The following CNTFR variants were observed in gnomAD, a reference collection of about 807,000 sequenced individuals.
CNTFR encodes the protein ciliary neurotrophic factor receptor.
In CNTFR, 12 loss-of-function variants were observed where a neutral mutation model predicts 40.4. The ratio of observed to expected loss-of-function variants is 0.30; its 90% CI spans 0.19 to 0.48. CNTFR has a LOEUF of 0.48. Among genes scored for constraint, CNTFR ranks in the 20% least tolerant of loss-of-function variants. The pLI is 0.99. For missense variants in CNTFR, 414 were observed against 506.8 expected, an observed-to-expected ratio of 0.82 and a Z score of 1.76; for synonymous variants, 202 against 209.6, an observed-to-expected ratio of 0.96 and a Z score of 0.31.
At chr9:34,589,891 C>T (rs1271284760), upstream of CNTFR, among the ~76,000 whole-genome samples, 1 of 149,816 alleles carries the variant, frequency 6.7e-6, no homozygotes, top group Non-Finnish European at 1.5e-5. This position sits in a 1 kb window ranked among gnomAD's most constrained non-coding sequence, Gnocchi z 4.4. Flanking sequence ...CGCGGCCGCG[C>T]GCCACGACCC....
At chr9:34,561,006 C>T (rs549870513) in intron 4 of CNTFR, among the ~76,000 whole-genome samples, 3 of 152,328 alleles carry the variant, frequency 2.0e-5, no homozygotes, top group East Asian at 1.9e-4. Context: ...GCTGCCCACA[C>T]CCTAGGCCAG....
rs895021916 is a variant in CNTFR, at chr9:34,564,896, G to A, written c.86-64C>T. 56 of 1,436,400 alleles carry A rather than the reference G, an allele frequency of 3.9e-5. No individual in the cohort carries two copies. In the Admixed American group the frequency reaches 6.5e-4, roughly 17 times the overall value. 89.0% of individuals were successfully genotyped at this position (1,436,400 alleles called of 1,614,324 possible). A position where few individuals can be genotyped will look rare whatever the true frequency, so the allele number is the denominator to read the frequency against. The stretch of plus-strand genomic sequence containing the variant: ...ACAGCCCGGCCCAGCACCCGCAGGC[G>A]AGCGTGCTCAGACAAGAGCCTGTGA... On this transcript the variant is annotated intron_variant, in intron 3 of 9. Coordinates refer to ENST00000378980, the MANE Select transcript of CNTFR (RefSeq NM_147164.3).
intron 7 of CNTFR, among the ~76,000 whole-genome samples, chr9:34,555,967 G>A (rs1003581658): frequency 7.0e-5 from 5 of 71,250 alleles, no homozygotes; most frequent in South Asian, 5.7e-4. Context: ...TCCCTCCCCC[G>A]CCATCTCCCT....
rs1184179994 is a variant in CNTFR at position 34,552,087 on chromosome 9, G to T, written c.*-16C>A. The stretch of plus-strand genomic sequence containing the variant: ...GTGCCGGGCTCTGTAGAGACAGGCA[G>T]GGGCCTGTCAGGGAGGGGGCTGGAG... On this transcript the variant is annotated splice_polypyrimidine_tract_variant and intron_variant, in intron 9 of 9. Transcript: ENST00000378980. This position sits in a 1 kb window ranked among gnomAD's most constrained non-coding sequence, Gnocchi z 5.1. 4 of 1,559,976 alleles carry T rather than the reference G, an allele frequency of 2.6e-6. No individual in the cohort carries two copies. The highest frequency in any genetic ancestry group is 3.5e-6 in the Non-Finnish European group (4 of 1,136,080).
chr9:34,560,125 AAGGAAGAAAAGGAGTG>A (rs1306152645), intron 4 of CNTFR, among the ~76,000 whole-genome samples: 1 of 152,166 alleles, frequency 6.6e-6, no homozygotes, highest in Non-Finnish European at 1.5e-5. Context: ...AGAAAAACAA[AAGGAAGAAAAGGAGTG>A]ACTTGCTGCA....
Position 34,551,990 on chromosome 9 carries a change from A to G in CNTFR, c.*81T>C, listed in dbSNP as rs1825641388. On this transcript the variant is annotated 3_prime_UTR_variant, in exon 10 of 10. Transcript: ENST00000378980. Reference sequence around the variant, plus strand: ...AAAGGTCCTCCTGCCCGTGTGCAAAATAGAAACCGGGGTCTGCAGGCTCAG... The same window carrying G: ...AAAGGTCCTCCTGCCCGTGTGCAAAGTAGAAACCGGGGTCTGCAGGCTCAG... The G allele has an allele frequency of 1.2e-6, 1 of 844,450 alleles. No individual in the cohort carries two copies. The highest frequency in any genetic ancestry group is 2.0e-6 in the Non-Finnish European group (1 of 500,978). 52.3% of individuals were successfully genotyped at this position (844,450 alleles called of 1,614,324 possible). A position where few individuals can be genotyped will look rare whatever the true frequency, so the allele number is the denominator to read the frequency against.
Position 34,551,449 on chromosome 9 carries a change from T to G in CNTFR, c.*622A>C, listed in dbSNP as rs1825619105. The G allele has an allele frequency of 1.2e-5, 2 of 160,108 alleles. No individual in the cohort carries two copies. Among genetic ancestry groups the G allele is most frequent in the South Asian group, 1.7e-4 (1 of 5,782 alleles). 9.9% of individuals were successfully genotyped at this position (160,108 alleles called of 1,614,324 possible). ...TCCAAGGACTCATGAAATGGTGACG[T>G]TTAATGAGAACCGCCCACTCCCCCC... On this transcript the variant is annotated 3_prime_UTR_variant, in exon 10 of 10. Coordinates refer to ENST00000378980, the MANE Select transcript of CNTFR (RefSeq NM_147164.3).
At chr9:34,575,850 T>C (rs1376095074) in intron 2 of CNTFR, among the ~76,000 whole-genome samples, 2 of 152,198 alleles carry the variant, frequency 1.3e-5, no homozygotes. Context: ...CCCCCTAACG[T>C]GCATATGCAC....
At chr9:34,587,754 G>A (rs562618843) in intron 1 of CNTFR, among the ~76,000 whole-genome samples, 13 of 152,270 alleles carry the variant, frequency 8.5e-5, no homozygotes, top group African/African-American at 2.9e-4. Context: ...GGGTCTTTGT[G>A]TGAGCCCCAG....
intron 2 of CNTFR, among the ~76,000 whole-genome samples, chr9:34,577,940 G>C (rs1291906793): frequency 2.6e-5 from 4 of 151,114 alleles, no homozygotes; most frequent in African/African-American, 9.7e-5. Context: ...GGGCGGGCTG[G>C]CGGGCGGGCG....
Position 34,589,186 on chromosome 9 carries a change from T to C in CNTFR, c.-112+369A>G, listed in dbSNP as rs1465669961. ...TTCTGCCCGAGAAAGAAGCCACCTT[T>C]GGGCGCGCAAAGGCCACTACGAACC... On this transcript the variant is annotated intron_variant, in intron 1 of 9. Coordinates refer to ENST00000378980, the MANE Select transcript of CNTFR (RefSeq NM_147164.3). The surrounding 1 kb of genome is among the most constrained non-coding windows in gnomAD (Gnocchi z 4.4). Among the ~76,000 whole-genome samples the C allele has an allele frequency of 6.6e-6, 1 of 151,970 alleles. No homozygotes were observed. Among genetic ancestry groups the C allele is most frequent in the African/African-American group, 2.4e-5 (1 of 41,378 alleles).
At chr9:34,590,513 G>A (rs914579400), upstream of CNTFR, among the ~76,000 whole-genome samples, 2 of 152,340 alleles carry the variant, frequency 1.3e-5, no homozygotes, top group African/African-American at 4.8e-5. Flanking sequence ...CGGGGGAAAG[G>A]GGCTTCCTTG....
At chr9:34,559,923 G>A (rs1190266614) in intron 4 of CNTFR, among the ~76,000 whole-genome samples, 2 of 151,734 alleles carry the variant, frequency 1.3e-5, no homozygotes, top group South Asian at 2.1e-4. Flanking sequence ...CCCTCAGACC[G>A]CGTCCCCTTC....
intron 2 of CNTFR, among the ~76,000 whole-genome samples, chr9:34,580,708 C>T (rs1265442561): frequency 1.3e-5 from 2 of 152,244 alleles, no homozygotes; most frequent in African/African-American, 4.8e-5. Flanking sequence ...TCTGGACTTT[C>T]TGACCTGCCA....
At chr9:34,554,047 C>T (rs1825740132) in intron 7 of CNTFR, among the ~76,000 whole-genome samples, 1 of 152,184 alleles carries the variant, frequency 6.6e-6, no homozygotes, top group South Asian at 2.1e-4. Context: ...CCTGCTCAGC[C>T]TGTGGCCCTG....
chr9:34,558,720 C>G (rs1039165503), intron 4 of CNTFR, among the ~76,000 whole-genome samples: 9 of 152,098 alleles, frequency 5.9e-5, no homozygotes, highest in African/African-American at 1.7e-4. Flanking sequence ...CACCTTAGTG[C>G]CAGCCCCCAG....
At chr9:34,590,530 G>A (rs1306152741), upstream of CNTFR, among the ~76,000 whole-genome samples, 1 of 152,242 alleles carries the variant, frequency 6.6e-6, no homozygotes, top group Non-Finnish European at 1.5e-5. Flanking sequence ...CTTGACCGGG[G>A]ATGGACCCTG....
At chr9:34,558,107 G>T in intron 4 of CNTFR, 123 bp from the exon 5 acceptor site, 1 of 632,556 alleles carries the variant, frequency 1.6e-6, no homozygotes, top group East Asian at 2.9e-5. Flanking sequence ...TGCCAAAGTT[G>T]TGGCGGGGAG....
chr9:34,578,271 A>ACGAGCAAGCGAGCAAG (rs1303912046), intron 2 of CNTFR, among the ~76,000 whole-genome samples: 5 of 152,202 alleles, frequency 3.3e-5, no homozygotes, highest in African/African-American at 1.2e-4. Context: ...CTGCAAGCGA[A>ACGAGCAAGCGAGCAAG]CGAGCAAGCG....
Sources: allele counts gnomAD v4.1 joint callset (sites outside exome capture counted in the v4.1 genomes callset), GRCh38; gene constraint gnomAD v4.1.1; non-coding constraint Gnocchi (gnomAD v3.1); transcripts MANE v1.5; gene names NCBI Gene and HGNC (gene_info 2026-07-23, HGNC 2026-07-21).